Variants in GALNTL6 observed in about 807,000 individuals in gnomAD.
GALNTL6 encodes the protein polypeptide N-acetylgalactosaminyltransferase-like 6.
GALNTL6 carries 46 observed loss-of-function variants against 73.7 expected under a neutral mutation model. The observed-to-expected ratio is 0.62, with a 90% CI of 0.49 to 0.80. The LOEUF is 0.80. Among genes scored for constraint, GALNTL6 ranks in the 30% least tolerant of loss-of-function variants. GALNTL6 has a pLI of 0.00. For missense variants in GALNTL6, 604 were observed against 755.0 expected, an observed-to-expected ratio of 0.80 and a Z score of 2.34; for synonymous variants, 259 against 263.7, an observed-to-expected ratio of 0.98 and a Z score of 0.17.
At chr4:172,513,954 G>A (rs1734516362) in intron 5 of GALNTL6, among the ~76,000 whole-genome samples, 1 of 151,550 alleles carries the variant, frequency 6.6e-6, no homozygotes, top group Middle Eastern at 3.2e-3. Flanking sequence ...GATGTTACAG[G>A]TGGTAAAGTT....
intron 5 of GALNTL6, among the ~76,000 whole-genome samples, chr4:172,714,359 T>A (rs916293440): frequency 6.6e-6 from 1 of 152,074 alleles, no homozygotes; most frequent in Non-Finnish European, 1.5e-5. Context: ...ATTTAGGTTC[T>A]GGTTCTGTTA....
intron 5 of GALNTL6, among the ~76,000 whole-genome samples, chr4:172,503,741 T>G (rs185495008): frequency 1.3e-5 from 2 of 151,836 alleles, no homozygotes; most frequent in Admixed American, 1.3e-4. Context: ...AAAAGTAATA[T>G]TCTAAACAGA....
chr4:172,263,667 A>G (rs1052225092), intron 3 of GALNTL6, among the ~76,000 whole-genome samples: 4 of 151,576 alleles, frequency 2.6e-5, no homozygotes, highest in South Asian at 4.1e-4. Flanking sequence ...TCTGATTTAT[A>G]TCTATATATA....
At chr4:172,995,869 C>T (rs1385180055) in intron 10 of GALNTL6, among the ~76,000 whole-genome samples, 5 of 152,150 alleles carry the variant, frequency 3.3e-5, no homozygotes, top group Non-Finnish European at 7.4e-5. Context: ...TTTTCAAAAA[C>T]CCTTGGTCAG....
In GALNTL6 at chr4:172,042,864, TAAA is replaced by T. The variant is rs397996272; in HGVS notation, c.139-186767_139-186765del. Reference sequence around the variant, plus strand: ...GTTCTATCCGAGCAATCTTTAACAGTAAAAAAAAAAAAAAAAAAAAAAAAAAAG... The same window carrying T: ...GTTCTATCCGAGCAATCTTTAACAGTAAAAAAAAAAAAAAAAAAAAAAAAG... On this transcript the variant is annotated intron_variant, in intron 2 of 12. Transcript: ENST00000506823. Among the ~76,000 whole-genome samples the T allele has an allele frequency of 8.8e-4, 39 of 44,400 alleles. 1 individual carries two copies. In the South Asian group the frequency reaches 0.054, roughly 61 times the overall value. 29.1% of individuals were successfully genotyped at this position (44,400 alleles called of 152,430 possible). A position where few individuals can be genotyped will look rare whatever the true frequency, so the allele number is the denominator to read the frequency against.
At chr4:172,254,775 T>C (rs1738014968) in intron 3 of GALNTL6, among the ~76,000 whole-genome samples, 1 of 151,758 alleles carries the variant, frequency 6.6e-6, no homozygotes, top group African/African-American at 2.4e-5. Context: ...CATGTAAGTC[T>C]GGCACCTGTT....
chr4:172,468,736 G>T (rs545132847), intron 5 of GALNTL6, among the ~76,000 whole-genome samples: 12 of 152,290 alleles, frequency 7.9e-5, no homozygotes, highest in African/African-American at 2.9e-4. Flanking sequence ...AGACATCGAA[G>T]CAAGTATTTT....
intron 2 of GALNTL6, among the ~76,000 whole-genome samples, chr4:171,985,719 A>G (rs991236408): frequency 1.3e-5 from 2 of 151,324 alleles, no homozygotes; most frequent in African/African-American, 2.4e-5. Flanking sequence ...AAAATCTGGG[A>G]AATTTGGTAA....
At chr4:172,891,346 T>A (rs1746020086) in intron 8 of GALNTL6, among the ~76,000 whole-genome samples, 1 of 152,188 alleles carries the variant, frequency 6.6e-6, no homozygotes, top group Non-Finnish European at 1.5e-5. Flanking sequence ...ACATCTTTTG[T>A]AAGGCAGGTC....
At chr4:171,854,987 T>C (rs7676508) in intron 2 of GALNTL6, among the ~76,000 whole-genome samples, 114,431 of 151,432 alleles carry the variant, frequency 0.76, 43,347 homozygotes, top group South Asian at 0.86. Flanking sequence ...TGCCCCCACC[T>C]CCTCCTGCTC....
intron 5 of GALNTL6, among the ~76,000 whole-genome samples, chr4:172,372,797 C>T (rs1000536746): frequency 6.6e-6 from 1 of 152,086 alleles, no homozygotes; most frequent in East Asian, 1.9e-4. Flanking sequence ...CTGGCTATCT[C>T]GCTGTATCCG....
chr4:172,106,342 A>C (rs990550769), intron 2 of GALNTL6, among the ~76,000 whole-genome samples: 1 of 152,182 alleles, frequency 6.6e-6, no homozygotes, highest in African/African-American at 2.4e-5. Flanking sequence ...TTTTGCATAG[A>C]GGTTGCCTGT....
chr4:172,134,090 G>T (rs1733571479), intron 2 of GALNTL6, among the ~76,000 whole-genome samples: 1 of 152,018 alleles, frequency 6.6e-6, no homozygotes, highest in Admixed American at 6.6e-5. Flanking sequence ...TATGGATTAA[G>T]ATAGTAACAG....
chr4:172,501,082 A>G (rs1286449232), intron 5 of GALNTL6, among the ~76,000 whole-genome samples: 1 of 152,232 alleles, frequency 6.6e-6, no homozygotes, highest in Non-Finnish European at 1.5e-5. Flanking sequence ...CTAAATATAC[A>G]TGCACACACT....
At chr4:172,964,569 A>G (rs1750239900) in intron 10 of GALNTL6, among the ~76,000 whole-genome samples, 1 of 152,182 alleles carries the variant, frequency 6.6e-6, no homozygotes. Flanking sequence ...GTCACCCCGA[A>G]TTGTGGAACA....
chr4:172,172,525 G>A (rs1734863517), intron 2 of GALNTL6, among the ~76,000 whole-genome samples: 1 of 151,514 alleles, frequency 6.6e-6, no homozygotes, highest in Admixed American at 6.6e-5. Flanking sequence ...GAAGAGATTA[G>A]GACACACACA....
intron 2 of GALNTL6, among the ~76,000 whole-genome samples, chr4:172,148,770 A>T (rs1226939536): frequency 6.6e-6 from 1 of 152,222 alleles, no homozygotes; most frequent in Non-Finnish European, 1.5e-5. Flanking sequence ...TAGAAATGTG[A>T]GCATAATGCT....
chr4:172,468,271 A>C (rs1732914398), intron 5 of GALNTL6, among the ~76,000 whole-genome samples: 1 of 152,154 alleles, frequency 6.6e-6, no homozygotes, highest in South Asian at 2.1e-4. Flanking sequence ...CATTTTTTAA[A>C]AACTATCTAT....
chr4:172,308,144 A>G (rs147754486), intron 3 of GALNTL6, among the ~76,000 whole-genome samples: 66 of 148,056 alleles, frequency 4.5e-4, no homozygotes, highest in African/African-American at 1.5e-3. Flanking sequence ...CCGAAACTTT[A>G]CTGAATTCAT....
Sources: allele counts gnomAD v4.1 joint callset (sites outside exome capture counted in the v4.1 genomes callset), GRCh38; gene constraint gnomAD v4.1.1; transcripts MANE v1.5; gene names NCBI Gene and HGNC (gene_info 2026-07-23, HGNC 2026-07-21).